COL27A1: variants seen among roughly 807,000 people sequenced by gnomAD.
COL27A1 encodes the protein collagen type XXVII alpha 1 chain.
Under a neutral mutation model 251.3 loss-of-function variants are expected in COL27A1, and 106 were observed. The ratio of observed to expected loss-of-function variants is 0.42; its 90% confidence interval spans 0.36 to 0.50. COL27A1 has a LOEUF of 0.50. Ranked by LOEUF, COL27A1 falls within the 20% of genes least tolerant of loss-of-function variation. COL27A1 has a pLI of 0.00. For synonymous variants in COL27A1, 1,000 were observed against 986.3 expected (o/e 1.01, Z -0.26); for missense variants, 2,325 against 2,522.8 (o/e 0.92, Z 1.68).
chr9:114,200,792 T>C (rs536172161), intron 7 of COL27A1, among the ~76,000 whole-genome samples: 9 of 152,344 alleles, frequency 5.9e-5, no homozygotes, highest in Non-Finnish European at 1.0e-4. Context: ...TCTGTCCTGC[T>C]GATGGCCCAG....
At chr9:114,199,301 C>T (rs142628519) in intron 7 of COL27A1, among the ~76,000 whole-genome samples, 174 of 152,276 alleles carry the variant, frequency 1.1e-3, no homozygotes, top group African/African-American at 3.7e-3. Flanking sequence ...AGAAATACTG[C>T]TAAACATTCT....
intron 37 of COL27A1, among the ~76,000 whole-genome samples, chr9:114,277,862 C>T (rs544987997): frequency 5.3e-5 from 8 of 152,262 alleles, no homozygotes; most frequent in African/African-American, 1.9e-4. Context: ...TTCTAGGGAC[C>T]CTTTTTTAGT....
At chr9:114,240,089 T>G in intron 19 of COL27A1, 131 bp from the exon 20 acceptor site, 1 of 814,250 alleles carries the variant, frequency 1.2e-6, no homozygotes. Context: ...ATCAAGGTGG[T>G]TAACTGACCT....
intron 12 of COL27A1, among the ~76,000 whole-genome samples, chr9:114,213,563 G>A (rs1480320271): frequency 6.6e-6 from 1 of 152,208 alleles, no homozygotes; most frequent in African/African-American, 2.4e-5. Context: ...AATCTCTGTT[G>A]TCATGAAGCT....
rs1327803206 is a variant in COL27A1 at position 114,264,395 on chromosome 9, C to T, written c.3236C>T (p.Ser1079Phe). 4 of 1,592,570 alleles carry T rather than the reference C, an allele frequency of 2.5e-6. No homozygotes were observed. Among genetic ancestry groups the T allele is most frequent in the Middle Eastern group, 3.3e-4 (2 of 6,022 alleles). The change falls in exon 29 of 61, where the codon TCC becomes TTC. Residue 1079 changes from serine to phenylalanine, a missense_variant. Physicochemically the swap from Ser to Phe is radical, Grantham distance 155. Transcript: ENST00000356083. ...GPDGPAGEQGSRGLKGPPGPQ... is the reference protein window; with the variant it reads ...GPDGPAGEQGFRGLKGPPGPQ... The stretch of plus-strand genomic sequence containing the variant: ...GACGGACCAGCTGGGGAGCAAGGGT[C>T]CAGGGGCCTGAAGGTACCGACCCCT...
chr9:114,308,607 G>A (rs1049996255), intron 59 of COL27A1, among the ~76,000 whole-genome samples: 1 of 152,224 alleles, frequency 6.6e-6, no homozygotes, highest in Non-Finnish European at 1.5e-5. Context: ...GACCTCCACA[G>A]GCTCTCTTCC....
At chr9:114,179,089 A>G (rs1431075292) in intron 4 of COL27A1, among the ~76,000 whole-genome samples, 1 of 152,176 alleles carries the variant, frequency 6.6e-6, no homozygotes, top group East Asian at 1.9e-4. Context: ...GCTGAGACCA[A>G]CAGCACCCGG....
intron 12 of COL27A1, among the ~76,000 whole-genome samples, chr9:114,216,437 G>A (rs1199393878): frequency 6.6e-6 from 1 of 152,230 alleles, no homozygotes. Flanking sequence ...TGAAGTGGGG[G>A]CTATACATTC....
At chr9:114,274,734 A>G (rs909797543) in intron 36 of COL27A1, among the ~76,000 whole-genome samples, 33 of 152,140 alleles carry the variant, frequency 2.2e-4, no homozygotes, top group Non-Finnish European at 3.8e-4. Flanking sequence ...AGCTTAGTTT[A>G]CTGCTGTCCG....
rs568608777 is a variant in COL27A1 at position 114,286,647 on chromosome 9, C to T, written c.3988-1808C>T. Among the ~76,000 whole-genome samples the T allele has an allele frequency of 4.6e-5, 7 of 152,176 alleles. No individual in the cohort carries two copies. The South Asian group carries it at 1.0e-3, about 23-fold the overall frequency. ...AAATGATATACCTAATGCTAAATGA[C>T]GAGTTAATGGGTGCAGCACAGCAAC... On this transcript the variant is annotated intron_variant, in intron 41 of 60. Coordinates refer to ENST00000356083, the MANE Select transcript of COL27A1 (RefSeq NM_032888.4).
chr9:114,300,761 G>A, intron 51 of COL27A1, 74 bp downstream of exon 51: 4 of 1,244,740 alleles, frequency 3.2e-6, no homozygotes, highest in Non-Finnish European at 4.4e-6. Context: ...CAGCTGGCCT[G>A]TCTTCATCCT....
intron 16 of COL27A1, 117 bp downstream of exon 16, chr9:114,231,983 C>A: frequency 2.1e-6 from 2 of 948,312 alleles, no homozygotes; most frequent in Non-Finnish European, 3.4e-6. Context: ...TCCTGCCTCT[C>A]CTCTGGCCTC....
Position 114,193,404 on chromosome 9 carries a change from A to G in COL27A1, c.2017-1000A>G, listed in dbSNP as rs554205304. On this transcript the variant is annotated intron_variant, in intron 5 of 60. Transcript: ENST00000356083. ...TGTGACAGGGACTGTCCCCTATGCT[A>G]GGCACAAAGAGTGCTTGCCTCTGAT... is the stretch of plus-strand genomic sequence containing the variant. Among the ~76,000 whole-genome samples the G allele has an allele frequency of 2.6e-5, 4 of 152,166 alleles. No individual in the cohort carries two copies. The East Asian group carries it at 5.8e-4, about 22-fold the overall frequency.
In COL27A1 at chr9:114,162,801, C is replaced by G. The variant is rs1013229726; in HGVS notation, c.133+16C>G. On this transcript the variant is annotated intron_variant, in intron 2 of 60. Coordinates refer to ENST00000356083, the MANE Select transcript of COL27A1 (RefSeq NM_032888.4). ...GCTCCTGAAGGTAATTCTCTCTTCTCTTTGTCCAGGGGGAGACAAAGGAGA... is the reference window on the plus strand; with the variant it reads ...GCTCCTGAAGGTAATTCTCTCTTCTGTTTGTCCAGGGGGAGACAAAGGAGA... 6.9e-6 allele frequency: 11 copies of G among 1,598,912 alleles called. No homozygotes were observed. The highest frequency in any genetic ancestry group is 9.4e-6 in the Non-Finnish European group (11 of 1,166,864).
intron 42 of COL27A1, 64 bp from the exon 43 acceptor site, chr9:114,288,638 G>A: frequency 6.3e-7 from 1 of 1,575,476 alleles, no homozygotes; most frequent in Non-Finnish European, 8.7e-7. Context: ...GCGGCCAACA[G>A]GGCCCAGGGC....
Position 114,169,318 on chromosome 9 carries a change from C to G in COL27A1, c.1763C>G (p.Pro588Arg). 1 of 1,612,666 alleles carries G rather than the reference C, an allele frequency of 6.2e-7. No homozygotes were observed. Among genetic ancestry groups the G allele is most frequent in the Non-Finnish European group, 8.5e-7 (1 of 1,179,588 alleles). Residue 588 changes from proline (P) to arginine (R), a missense_variant, in exon 3 of 61, where the codon CCG becomes CGG. Coordinates refer to ENST00000356083, the MANE Select transcript of COL27A1 (RefSeq NM_032888.4). The stretch of plus-strand genomic sequence containing the variant: ...CCCCAGCCCAGTCAGCAGACCACCC[C>G]GGCCCTGGTATTGGCCCCGGCGCAA... Reference protein sequence around the residue: ...RQPQPSQQTTPALVLAPAQFL... With the variant: ...RQPQPSQQTTRALVLAPAQFL...
In COL27A1 at chr9:114,155,866, G is replaced by A. The variant is rs1479034704; in HGVS notation, c.-85G>A. ...GGGCCGCGCGCTCTAAGCCGGCCTG[G>A]CGCGGCGGGGCGGGGGGCTGGCGGC... On this transcript the variant is annotated 5_prime_UTR_variant, in exon 1 of 61. Coordinates refer to ENST00000356083, the MANE Select transcript of COL27A1 (RefSeq NM_032888.4). The surrounding 1 kb of genome is among the most constrained non-coding windows in gnomAD (Gnocchi z 5.5). 9 of 1,047,010 alleles carry A rather than the reference G, an allele frequency of 8.6e-6. No homozygotes were observed. Among genetic ancestry groups the A allele is most frequent in the Non-Finnish European group, 9.3e-6 (8 of 861,620 alleles). 64.9% of individuals were successfully genotyped at this position (1,047,010 alleles called of 1,614,324 possible). A position where few individuals can be genotyped will look rare whatever the true frequency, so the allele number is the denominator to read the frequency against.
chr9:114,159,086 T>A (rs1312242663), intron 1 of COL27A1, among the ~76,000 whole-genome samples: 1 of 152,196 alleles, frequency 6.6e-6, no homozygotes, highest in Non-Finnish European at 1.5e-5. Flanking sequence ...CAGAATCCAT[T>A]TCCAAGAGGG....
Position 114,167,788 on chromosome 9 carries a change from A to G in COL27A1, c.233A>G (p.Gln78Arg). Residue 78 changes from glutamine (Q) to arginine (R), a missense_variant, in exon 3 of 61, where the codon CAG becomes CGG. By Grantham distance (43) the Gln-to-Arg change is conservative (BLOSUM62 1). Around this residue, in one of 4 missense-constraint regions of COL27A1, gnomAD observed 1,183 missense variants for 1,144.1 expected, o/e 1.03. Coordinates refer to ENST00000356083, the MANE Select transcript of COL27A1 (RefSeq NM_032888.4). ...IPFQSGFIFT[Q>R]RARLQAPTGT... ...TTCCAGTCGGGCTTCATCTTTACGC[A>G]GCGGGCCCGGCTCCAGGCTCCCACG... The G allele has an allele frequency of 6.2e-7, 1 of 1,613,516 alleles. No individual in the cohort carries two copies. The highest frequency in any genetic ancestry group is 1.6e-4 in the Middle Eastern group (1 of 6,062).
Sources: allele counts gnomAD v4.1 joint callset (sites outside exome capture counted in the v4.1 genomes callset), GRCh38; gene constraint gnomAD v4.1.1; regional missense constraint gnomAD v4.1.1; non-coding constraint Gnocchi (gnomAD v3.1); transcripts MANE v1.5; gene names NCBI Gene and HGNC (gene_info 2026-07-23, HGNC 2026-07-21).